Variants in TENM3 observed in about 807,000 individuals in gnomAD.
TENM3 encodes the protein teneurin-3.
TENM3 carries 63 observed loss-of-function variants against 255.1 expected under a neutral mutation model. The ratio of observed to expected loss-of-function variants is 0.25; its 90% CI spans 0.20 to 0.30. TENM3 has a LOEUF of 0.30. Among genes scored for constraint, TENM3 ranks in the 10% least tolerant of loss-of-function variants. The pLI is 1.00. For synonymous variants in TENM3, 1,306 were observed against 1,322.3 expected (o/e 0.99, Z 0.27); for missense variants, 2,929 against 3,461.1 (o/e 0.85, Z 3.86).
chr4:182,089,513 C>T, the TENM3 span, among the ~76,000 whole-genome samples: 2 of 152,116 alleles, frequency 1.3e-5, no homozygotes, highest in Non-Finnish European at 1.5e-5. Flanking sequence ...CACTGACTTG[C>T]GCTCCCTGCT....
chr4:182,675,060 G>C (rs1300231816), intron 7 of TENM3, among the ~76,000 whole-genome samples: 1 of 151,554 alleles, frequency 6.6e-6, no homozygotes, highest in East Asian at 2.0e-4. Flanking sequence ...ATTTTTAGTA[G>C]ACATAGGTTT....
the TENM3 span, among the ~76,000 whole-genome samples, chr4:181,474,625 C>T: frequency 4.0e-5 from 6 of 151,550 alleles, no homozygotes; most frequent in Non-Finnish European, 8.8e-5. Context: ...ATCCTTGCTA[C>T]TTGGGAGGCT....
At chr4:181,777,274 T>C in the TENM3 span, among the ~76,000 whole-genome samples, 1 of 152,196 alleles carries the variant, frequency 6.6e-6, no homozygotes, top group Non-Finnish European at 1.5e-5. Flanking sequence ...TCTATGTGTC[T>C]GTTTTTATAC....
chr4:182,418,017 C>A (rs1241767145), intron 3 of TENM3, among the ~76,000 whole-genome samples: 2 of 151,946 alleles, frequency 1.3e-5, no homozygotes, highest in African/African-American at 2.4e-5. Context: ...TAATTTGGCC[C>A]TAAATTATAC....
chr4:181,648,401 T>C, the TENM3 span, among the ~76,000 whole-genome samples: 1 of 152,298 alleles, frequency 6.6e-6, no homozygotes, highest in African/African-American at 2.4e-5. Context: ...CTAGATGTCC[T>C]CAGCTGCCAT....
At position 182,486,252 on chromosome 4, in the gene TENM3, T is replaced by A. The variant is rs967820506; in HGVS notation, c.512-114672T>A. Among the ~76,000 whole-genome samples the A allele has an allele frequency of 5.8e-5, 7 of 119,728 alleles. No individual in the cohort carries two copies. The South Asian group carries it at 8.1e-4, about 14-fold the overall frequency. 78.5% of individuals were successfully genotyped at this position (119,728 alleles called of 152,430 possible). A position where few individuals can be genotyped will look rare whatever the true frequency, so the allele number is the denominator to read the frequency against. ...CCTTTTAAATAAACTTTTAAAAAGA[T>A]TTAAAAAAGAAAAAGGTTCTACTTT... On this transcript the variant is annotated intron_variant, in intron 3 of 27. Transcript: ENST00000511685.
chr4:182,181,682 C>A (rs1034137951), intron 1 of TENM3, among the ~76,000 whole-genome samples: 3 of 151,690 alleles, frequency 2.0e-5, no homozygotes, highest in Non-Finnish European at 2.9e-5. Context: ...CATTGACTTA[C>A]CCATAATGTG....
the TENM3 span, among the ~76,000 whole-genome samples, chr4:181,482,508 C>G: frequency 6.6e-6 from 1 of 152,088 alleles, no homozygotes; most frequent in African/African-American, 2.4e-5. Flanking sequence ...AGTGTAGCTA[C>G]TTTGTGGAGA....
the TENM3 span, among the ~76,000 whole-genome samples, chr4:181,991,402 A>G: frequency 6.6e-6 from 1 of 152,150 alleles, no homozygotes; most frequent in African/African-American, 2.4e-5. Context: ...AGCAGTGGAA[A>G]TAAGTTATGT....
At chr4:182,296,936 G>A (rs962817165) in intron 1 of TENM3, among the ~76,000 whole-genome samples, 4 of 152,028 alleles carry the variant, frequency 2.6e-5, no homozygotes, top group Non-Finnish European at 4.4e-5. Flanking sequence ...CCATTGATTC[G>A]GAAGGGAAAG....
chr4:182,196,281 G>A (rs10016451), intron 1 of TENM3, among the ~76,000 whole-genome samples: 90,334 of 151,824 alleles, frequency 0.59, 27,729 homozygotes, highest in Non-Finnish European at 0.65. Flanking sequence ...GAGTTGCTAA[G>A]GATCATCTGT....
intron 22 of TENM3, among the ~76,000 whole-genome samples, chr4:182,772,230 A>G (rs1274199950): frequency 1.3e-5 from 2 of 151,718 alleles, no homozygotes; most frequent in Non-Finnish European, 2.9e-5. Flanking sequence ...AATTGAAAAA[A>G]CAAACAAAAC....
At chr4:182,060,485 C>T in the TENM3 span, among the ~76,000 whole-genome samples, 13 of 152,054 alleles carry the variant, frequency 8.5e-5, no homozygotes, top group African/African-American at 2.2e-4. Context: ...CCTAATGTGC[C>T]GCTGATCCGA....
chr4:181,979,095 GACATATATATATATATATATAT>G, the TENM3 span, among the ~76,000 whole-genome samples: 15 of 72,178 alleles, frequency 2.1e-4, no homozygotes, highest in African/African-American at 7.7e-4. Flanking sequence ...CATTAAGCCT[GACATATATATATATATATATAT>G]ATATATATAT....
At chr4:181,747,047 C>T in the TENM3 span, among the ~76,000 whole-genome samples, 1 of 152,126 alleles carries the variant, frequency 6.6e-6, no homozygotes, top group Admixed American at 6.6e-5. Context: ...ATCAGAGGGT[C>T]AAGGGCAAGT....
chr4:181,868,598 A>G, the TENM3 span, among the ~76,000 whole-genome samples: 1 of 152,194 alleles, frequency 6.6e-6, no homozygotes, highest in Non-Finnish European at 1.5e-5. Flanking sequence ...GCCCAAGATC[A>G]GCAAAGGTAT....
chr4:182,319,776 T>C (rs932867566), intron 1 of TENM3, among the ~76,000 whole-genome samples: 3 of 152,170 alleles, frequency 2.0e-5, no homozygotes, highest in Non-Finnish European at 4.4e-5. Context: ...TAAAATGGTA[T>C]CATGAAAATG....
Position 182,200,918 on chromosome 4 carries a change from G to A in TENM3, c.-76+56164G>A, listed in dbSNP as rs144261306. The stretch of plus-strand genomic sequence containing the variant: ...CGGCTCACTGCAACCTCCACCTCCC[G>A]GGTTCCAGTGATTCTCCTGTCTCAG... On this transcript the variant is annotated intron_variant, in intron 1 of 2. Coordinates refer to the TENM3 transcript ENST00000512480. Among the ~76,000 whole-genome samples, 486 of 144,690 alleles carry A rather than the reference G, an allele frequency of 3.4e-3. 7 individuals carry two copies. Among genetic ancestry groups the A allele is most frequent in the Middle Eastern group, 0.022 (6 of 270 alleles). The allele number at this position is 144,690 out of a possible 152,430, so 94.9% of individuals were successfully genotyped here.
At chr4:181,840,328 G>T in the TENM3 span, among the ~76,000 whole-genome samples, 1 of 151,914 alleles carries the variant, frequency 6.6e-6, no homozygotes, top group African/African-American at 2.4e-5. Flanking sequence ...AACATTTTAT[G>T]GGTCTAAATC....
Sources: gnomAD v4.1 joint callset for allele counts (sites outside exome capture counted in the v4.1 genomes callset) on GRCh38, gnomAD v4.1.1 for gene constraint, MANE v1.5 for transcripts, NCBI Gene and HGNC (gene_info 2026-07-23, HGNC 2026-07-21) for gene names.